PRKCB: variants seen among roughly 807,000 people sequenced by gnomAD.
PRKCB encodes protein kinase C beta, also known as protein kinase C beta type.
In PRKCB, 13 loss-of-function variants were observed where a neutral mutation model predicts 81.5. That is an observed-to-expected ratio of 0.16 (90% CI 0.10 to 0.25). The LOEUF (loss-of-function observed/expected upper bound fraction) is 0.25. PRKCB is among the 10% of genes least tolerant of loss of function. The pLI is 1.00. For missense variants in PRKCB, 509 were observed against 875.7 expected (o/e 0.58, Z 5.29); for synonymous variants, 335 against 321.4 (o/e 1.04, Z -0.45).
intron 16 of PRKCB, among the ~76,000 whole-genome samples, chr16:24,210,824 C>T (rs1416177940): frequency 6.6e-6 from 1 of 152,150 alleles, no homozygotes; most frequent in East Asian, 1.9e-4. Flanking sequence ...CTTCACATCA[C>T]TTATCTCCCT....
At chr16:24,072,740 C>T (rs1966126906) in intron 5 of PRKCB, among the ~76,000 whole-genome samples, 1 of 152,112 alleles carries the variant, frequency 6.6e-6, no homozygotes, top group Non-Finnish European at 1.5e-5. Context: ...TGCCACCAGA[C>T]CGAGCTAATT....
chr16:24,038,469 A>C (rs542471877), intron 5 of PRKCB, among the ~76,000 whole-genome samples: 26 of 152,248 alleles, frequency 1.7e-4, no homozygotes, highest in Non-Finnish European at 3.4e-4. Flanking sequence ...CATGGAAGGG[A>C]AAACGAAGTC....
intron 5 of PRKCB, among the ~76,000 whole-genome samples, chr16:24,067,937 G>A (rs1260392075): frequency 1.5e-5 from 2 of 135,938 alleles, no homozygotes; most frequent in African/African-American, 3.0e-5. Context: ...GCGAGACTCC[G>A]TCTCAAAAAA....
At chr16:24,144,713 T>C (rs410688) in intron 9 of PRKCB, among the ~76,000 whole-genome samples, 55,378 of 152,168 alleles carry the variant, frequency 0.36, 10,456 homozygotes, top group South Asian at 0.47. Context: ...ATGAGTTGGA[T>C]GGAGCCTTAT....
chr16:23,912,327 A>G (rs374036040), intron 2 of PRKCB, among the ~76,000 whole-genome samples: 3 of 151,976 alleles, frequency 2.0e-5, no homozygotes, highest in Non-Finnish European at 4.4e-5. Context: ...TGTTCCTCTC[A>G]TAGTGCAGCC....
chr16:23,892,890 C>T (rs577644879), intron 2 of PRKCB: 3 of 151,800 alleles, frequency 2.0e-5, no homozygotes, highest in South Asian at 2.1e-4. Flanking sequence ...TCTGTCTCCA[C>T]GATACCATGT....
At chr16:23,949,603 A>G (rs1055493086) in intron 2 of PRKCB, among the ~76,000 whole-genome samples, 1 of 152,072 alleles carries the variant, frequency 6.6e-6, no homozygotes, top group Admixed American at 6.6e-5. Context: ...TAACAATTCA[A>G]CCAATATTTA....
At chr16:23,968,325 G>A (rs1277340163) in intron 2 of PRKCB, among the ~76,000 whole-genome samples, 1 of 152,196 alleles carries the variant, frequency 6.6e-6, no homozygotes, top group Non-Finnish European at 1.5e-5. Flanking sequence ...ACTTGGGCAA[G>A]GTTAAGATTA....
chr16:23,876,990 G>A (rs114556512), intron 2 of PRKCB, among the ~76,000 whole-genome samples: 31,639 of 151,806 alleles, frequency 0.21, 4,110 homozygotes, highest in South Asian at 0.44. Context: ...AAGGATATGG[G>A]GGGGGAGGGA....
Position 24,220,045 on chromosome 16 carries a change from A to G in PRKCB, c.*5229A>G, listed in dbSNP as rs1370033348. 3.1e-6 allele frequency: 5 copies of G among 1,614,082 alleles called. No homozygotes were observed. Among genetic ancestry groups the G allele is most frequent in the South Asian group, 2.2e-5 (2 of 91,084 alleles). The stretch of plus-strand genomic sequence containing the variant: ...GACCCCCACTGATAAACTCTTCATC[A>G]TGAACTTGGACCAAAATGAATTTGC... On this transcript the variant is annotated 3_prime_UTR_variant, in exon 17 of 17. Transcript: ENST00000643927.
intron 2 of PRKCB, among the ~76,000 whole-genome samples, chr16:23,842,353 A>G (rs895371568): frequency 6.6e-6 from 1 of 152,224 alleles, no homozygotes; most frequent in African/African-American, 2.4e-5. Flanking sequence ...GCAAGTATCA[A>G]TGACTCTAAG....
At chr16:23,917,079 C>T (rs1032963853) in intron 2 of PRKCB, among the ~76,000 whole-genome samples, 1 of 151,814 alleles carries the variant, frequency 6.6e-6, no homozygotes, top group African/African-American at 2.4e-5. Flanking sequence ...CCCAATGTCT[C>T]ATTCTATTTT....
At chr16:24,061,841 C>T (rs147582972) in intron 5 of PRKCB, among the ~76,000 whole-genome samples, 7 of 148,274 alleles carry the variant, frequency 4.7e-5, no homozygotes, top group African/African-American at 1.5e-4. Flanking sequence ...AAGCCTGGAG[C>T]GACAAAGCAA....
chr16:23,997,278 A>T (rs952903899), intron 3 of PRKCB, among the ~76,000 whole-genome samples: 2 of 152,234 alleles, frequency 1.3e-5, no homozygotes, highest in Non-Finnish European at 2.9e-5. Flanking sequence ...ATGTGTCTGG[A>T]TACAGGAGAT....
At chr16:23,846,402 G>A (rs1234557095) in intron 2 of PRKCB, among the ~76,000 whole-genome samples, 1 of 152,108 alleles carries the variant, frequency 6.6e-6, no homozygotes, top group South Asian at 2.1e-4. Context: ...CTGAGGTCAG[G>A]AATTCGAGAC....
chr16:24,169,156 A>G (rs1012277043), intron 10 of PRKCB, among the ~76,000 whole-genome samples: 4 of 152,084 alleles, frequency 2.6e-5, no homozygotes, highest in Non-Finnish European at 4.4e-5. Flanking sequence ...CAGTAGTCAG[A>G]AAACGTGGAG....
At chr16:23,847,458 A>G (rs1962396039) in intron 2 of PRKCB, among the ~76,000 whole-genome samples, 1 of 148,994 alleles carries the variant, frequency 6.7e-6, no homozygotes, top group Non-Finnish European at 1.5e-5. Context: ...CCATCCATCC[A>G]TCCATCCATC....
At position 24,217,625 on chromosome 16, in the gene PRKCB, A is replaced by T; in HGVS notation, c.*2809A>T. 3 of 985,486 alleles carry T rather than the reference A, an allele frequency of 3.0e-6. No homozygotes were observed. Among genetic ancestry groups the T allele is most frequent in the Non-Finnish European group, 3.6e-6 (3 of 829,962 alleles). The allele number at this position is 985,486 out of a possible 1,614,324, so 61.0% of individuals were successfully genotyped here. ...CATAAAAGCAAGTCCTGTCTGGACC[A>T]TGTGGTTATCTGAAGCATTAGCCAT... On this transcript the variant is annotated 3_prime_UTR_variant, in exon 17 of 17. Coordinates refer to ENST00000643927, the MANE Select transcript of PRKCB (RefSeq NM_002738.7).
rs538287119 is a variant in PRKCB, at chr16:24,079,486, T to A, written c.530-13305T>A. On this transcript the variant is annotated intron_variant, in intron 5 of 16. Coordinates refer to ENST00000643927, the MANE Select transcript of PRKCB (RefSeq NM_002738.7). ...TCAGATTTAGAGTAACATTTTTTTTTCTAACTAAAAATGTAATTAATGCTC... is the reference window on the plus strand; with the variant it reads ...TCAGATTTAGAGTAACATTTTTTTTACTAACTAAAAATGTAATTAATGCTC... Among the ~76,000 whole-genome samples the A allele has an allele frequency of 2.0e-3, 310 of 152,200 alleles. 2 individuals are homozygous for A. The highest frequency in any genetic ancestry group is 3.8e-3 in the Non-Finnish European group (260 of 68,042).
Sources: allele counts gnomAD v4.1 joint callset (sites outside exome capture counted in the v4.1 genomes callset), GRCh38; gene constraint gnomAD v4.1.1; transcripts MANE v1.5; gene names NCBI Gene and HGNC (gene_info 2026-07-23, HGNC 2026-07-21).